The following TSHZ3 variants were observed in gnomAD, a reference collection of about 807,000 sequenced individuals.
TSHZ3 encodes teashirt zinc finger homeobox 3, also known as teashirt homolog 3.
TSHZ3 carries 10 observed loss-of-function variants against 64.5 expected under a neutral mutation model. That is an observed-to-expected ratio of 0.16 (90% confidence interval 0.10 to 0.26). The LOEUF (loss-of-function observed/expected upper bound fraction) is 0.26. Ranked by LOEUF, TSHZ3 falls within the 10% of genes least tolerant of loss-of-function variation. The pLI is 1.00. For synonymous variants in TSHZ3, 608 were observed against 593.1 expected, an observed-to-expected ratio of 1.03 and a Z score of -0.36; for missense variants, 1,242 against 1,421.7, an observed-to-expected ratio of 0.87 and a Z score of 2.03.
chr19:31,296,928 T>C (rs1322296483), intron 1 of TSHZ3, among the ~76,000 whole-genome samples: 1 of 152,208 alleles, frequency 6.6e-6, no homozygotes, highest in African/African-American at 2.4e-5. Context: ...CTCAGCATTC[T>C]AGGTGAAAGT....
intron 1 of TSHZ3, among the ~76,000 whole-genome samples, chr19:31,262,528 T>G (rs1210246429): frequency 1.3e-5 from 2 of 152,252 alleles, no homozygotes; most frequent in African/African-American, 4.8e-5. Flanking sequence ...AATGTCTTTC[T>G]GTGCTTTTTT....
At chr19:31,274,859 G>A (rs955440846), downstream of TSHZ3, 3 of 152,174 alleles carry the variant, frequency 2.0e-5, no homozygotes, top group African/African-American at 7.3e-5. Context: ...AACCAGCTCC[G>A]TCATAAACAG....
intron 5 of TSHZ3, among the ~76,000 whole-genome samples, chr19:31,202,105 G>T (rs1975096076): frequency 6.6e-6 from 1 of 152,136 alleles, no homozygotes; most frequent in Non-Finnish European, 1.5e-5. Flanking sequence ...GGCGGAGGTT[G>T]CAGTGAGCTG....
intron 1 of TSHZ3, among the ~76,000 whole-genome samples, chr19:31,343,704 G>A (rs897172453): frequency 2.0e-5 from 3 of 150,876 alleles, no homozygotes; most frequent in Admixed American, 6.6e-5. Flanking sequence ...ATTTCTAAGC[G>A]TAAATTTCTA....
At chr19:31,288,908 G>T (rs970729844) in intron 1 of TSHZ3, among the ~76,000 whole-genome samples, 1 of 152,152 alleles carries the variant, frequency 6.6e-6, no homozygotes, top group African/African-American at 2.4e-5. Context: ...GAGGCCCTGG[G>T]TCTCAGCTTC....
chr19:31,236,087 G>T (rs188883501), intron 3 of TSHZ3, among the ~76,000 whole-genome samples: 1 of 152,178 alleles, frequency 6.6e-6, no homozygotes, highest in East Asian at 1.9e-4. Context: ...GCTACATGGG[G>T]GTGCAGATAT....
intron 5 of TSHZ3, among the ~76,000 whole-genome samples, chr19:31,161,476 G>A (rs1974373218): frequency 6.6e-6 from 1 of 152,194 alleles, no homozygotes; most frequent in African/African-American, 2.4e-5. Context: ...CAGTTTTGGA[G>A]ATATGGGATT....
chr19:31,249,496 AAC>A (rs1182155894), intron 1 of TSHZ3, among the ~76,000 whole-genome samples: 2 of 151,920 alleles, frequency 1.3e-5, no homozygotes, highest in South Asian at 4.2e-4. Flanking sequence ...TGTCTACTTA[AAC>A]ACACACACAC....
At position 31,277,465 on chromosome 19, in the gene TSHZ3, G is replaced by C. The variant is rs767525944; in HGVS notation, c.2328C>G (p.His776Gln). The stretch of plus-strand genomic sequence containing the variant: ...TGACGTGGTAGAAATAGCGGTCGAG[G>C]TGGTCTGCCTTCTTGGACTGCAGGG... ...PPPLQSKKAD[H>Q]LDRYFYHVNN... is the part of the protein sequence containing the mutation. The change falls in exon 2 of 2, where the codon CAC becomes CAG. Residue 776 changes from histidine to glutamine, a missense_variant. Coordinates refer to ENST00000240587, the MANE Select transcript of TSHZ3 (RefSeq NM_020856.4). The surrounding 1 kb of genome is among the most constrained non-coding windows in gnomAD (Gnocchi z 4.5). 7.1e-5 allele frequency: 114 copies of C among 1,613,734 alleles called. No individual in the cohort carries two copies. The highest frequency in any genetic ancestry group is 9.2e-5 in the Non-Finnish European group (108 of 1,179,858).
At chr19:31,201,799 A>G (rs1236292278) in intron 5 of TSHZ3, among the ~76,000 whole-genome samples, 1 of 152,198 alleles carries the variant, frequency 6.6e-6, no homozygotes, top group Non-Finnish European at 1.5e-5. Flanking sequence ...ACAATATTAA[A>G]TGTTAGAAAG....
chr19:31,202,959 T>C (rs185586650), intron 5 of TSHZ3, among the ~76,000 whole-genome samples: 57 of 152,282 alleles, frequency 3.7e-4, no homozygotes, highest in African/African-American at 1.3e-3. Context: ...GACCAATATA[T>C]TCACTGTAAA....
intron 1 of TSHZ3, among the ~76,000 whole-genome samples, chr19:31,334,133 C>T (rs894168453): frequency 2.0e-5 from 3 of 152,240 alleles, no homozygotes; most frequent in South Asian, 4.2e-4. Flanking sequence ...TAGTTATTCA[C>T]CTAACCATCT....
intron 1 of TSHZ3, among the ~76,000 whole-genome samples, chr19:31,251,163 G>T (rs1400049745): frequency 6.6e-6 from 1 of 152,164 alleles, no homozygotes; most frequent in African/African-American, 2.4e-5. Context: ...TCAGGCCTGA[G>T]CAGTAGGGGC....
intron 1 of TSHZ3, among the ~76,000 whole-genome samples, chr19:31,313,152 ACT>A: frequency 6.6e-6 from 1 of 151,876 alleles, no homozygotes; most frequent in South Asian, 2.1e-4. Flanking sequence ...TCCAGAGGAG[ACT>A]CTGCGGGAAG....
intron 5 of TSHZ3, among the ~76,000 whole-genome samples, chr19:31,196,430 A>G (rs1427973205): frequency 6.6e-6 from 1 of 151,974 alleles, no homozygotes; most frequent in East Asian, 1.9e-4. Flanking sequence ...AAGAGCAATG[A>G]TTGGTAAACA....
At chr19:31,264,843 A>G (rs1976027531) in intron 1 of TSHZ3, among the ~76,000 whole-genome samples, 1 of 152,126 alleles carries the variant, frequency 6.6e-6, no homozygotes, top group South Asian at 2.1e-4. Context: ...AGACAGGGCC[A>G]GTCAACGAAG....
At chr19:31,241,669 T>C (rs775994973) in intron 3 of TSHZ3, among the ~76,000 whole-genome samples, 2 of 152,128 alleles carry the variant, frequency 1.3e-5, no homozygotes, top group Non-Finnish European at 2.9e-5. Flanking sequence ...CTGACCTCAT[T>C]CTCCTCAGCT....
intron 4 of TSHZ3, among the ~76,000 whole-genome samples, chr19:31,224,267 A>C (rs1337141837): frequency 1.3e-5 from 2 of 152,162 alleles, no homozygotes; most frequent in Non-Finnish European, 2.9e-5. Flanking sequence ...GTTTCACTAA[A>C]GTCCCTCCCT....
At chr19:31,330,246 A>C (rs929814595) in intron 1 of TSHZ3, among the ~76,000 whole-genome samples, 61 of 152,164 alleles carry the variant, frequency 4.0e-4, no homozygotes, top group African/African-American at 1.4e-3. Flanking sequence ...CTAAACTCTC[A>C]ACAGCTGCCC....
Sources: gnomAD v4.1 joint callset for allele counts (sites outside exome capture counted in the v4.1 genomes callset) on GRCh38, gnomAD v4.1.1 for gene constraint, Gnocchi (gnomAD v3.1) non-coding constraint, MANE v1.5 for transcripts, NCBI Gene and HGNC (gene_info 2026-07-23, HGNC 2026-07-21) for gene names.